Variants in SNW1 observed in about 807,000 individuals in gnomAD.
SNW1 encodes SNW domain-containing protein 1.
SNW1 carries 9 observed loss-of-function variants against 75.6 expected under a neutral mutation model. The observed-to-expected ratio is 0.12, with a 90% CI of 0.07 to 0.21. The LOEUF (loss-of-function observed/expected upper bound fraction) is 0.21, where lower values mean the gene tolerates loss of function less well. SNW1 is among the 10% of genes least tolerant of loss of function. The pLI, the probability that SNW1 is intolerant of heterozygous loss-of-function variation, is 1.00. For missense variants in SNW1, 409 were observed against 670.9 expected (o/e 0.61, Z 4.31); for synonymous variants, 200 against 219.1 (o/e 0.91, Z 0.77).
chr14:77,740,151 AAAAAAAAGAG>A (rs1428970700), intron 3 of SNW1, among the ~76,000 whole-genome samples: 13 of 90,518 alleles, frequency 1.4e-4, no homozygotes, highest in Admixed American at 1.1e-3. Flanking sequence ...AAAAAAAAAA[AAAAAAAAGAG>A]AGAGATACAG....
At chr14:77,745,055 A>G (rs1010516551) in intron 3 of SNW1, among the ~76,000 whole-genome samples, 3 of 152,232 alleles carry the variant, frequency 2.0e-5, no homozygotes, top group African/African-American at 7.2e-5. Context: ...TCAGGCAGTA[A>G]GTAAGGCACC....
chr14:77,723,537 A>T (rs2080560865), intron 10 of SNW1, among the ~76,000 whole-genome samples: 1 of 151,202 alleles, frequency 6.6e-6, no homozygotes, highest in Middle Eastern at 3.5e-3. Flanking sequence ...TTTTGTAAAG[A>T]TGGGGTCCCA....
chr14:77,735,585 T>C (rs967999103), intron 7 of SNW1, among the ~76,000 whole-genome samples: 2 of 152,012 alleles, frequency 1.3e-5, no homozygotes, highest in African/African-American at 4.8e-5. Context: ...GCCCGGCCGA[T>C]GTGACTTCTT....
At chr14:77,733,480 C>A (rs1053652036) in intron 8 of SNW1, among the ~76,000 whole-genome samples, 4 of 146,982 alleles carry the variant, frequency 2.7e-5, no homozygotes, top group African/African-American at 9.8e-5. Context: ...TGCAGTAGCT[C>A]AAGCCTGTAA....
Position 77,717,914 on chromosome 14 carries a change from A to G in SNW1, c.*174T>C. 1.7e-6 allele frequency: 1 copy of G among 601,822 alleles called. No individual in the cohort carries two copies. Among genetic ancestry groups the G allele is most frequent in the Non-Finnish European group, 2.8e-6 (1 of 356,120 alleles). 37.3% of individuals were successfully genotyped at this position (601,822 alleles called of 1,614,324 possible). A position where few individuals can be genotyped will look rare whatever the true frequency, so the allele number is the denominator to read the frequency against. On this transcript the variant is annotated 3_prime_UTR_variant, in exon 14 of 14. Transcript: ENST00000261531. ...ACAACCCACTCTTTAAAAAAAACTA[A>G]ATAATTCAAAGTAGAATTTTCTATC...
intron 12 of SNW1, 123 bp downstream of exon 12, chr14:77,720,588 A>G (rs1244654090): frequency 1.3e-6 from 1 of 793,220 alleles, no homozygotes; most frequent in Admixed American, 1.7e-5. Flanking sequence ...TTCAACATAC[A>G]ACTTCCAATT....
chr14:77,727,595 A>C (rs1296206176), intron 10 of SNW1, among the ~76,000 whole-genome samples: 2 of 152,124 alleles, frequency 1.3e-5, no homozygotes, highest in East Asian at 3.8e-4. Flanking sequence ...TTTTATCATG[A>C]AGGGATGTTG....
intron 10 of SNW1, chr14:77,730,746 G>A (rs2080621388): frequency 2.5e-6 from 1 of 395,012 alleles, no homozygotes; most frequent in Non-Finnish European, 4.5e-6. Flanking sequence ...ATTTTGAAAA[G>A]TACACTGCTC....
chr14:77,720,518 T>C (rs540420518), intron 12 of SNW1, 193 bp downstream of exon 12: 9 of 725,036 alleles, frequency 1.2e-5, no homozygotes, highest in African/African-American at 1.2e-4. Context: ...TCTCCTAGTG[T>C]CTCAAATCTC....
intron 3 of SNW1, among the ~76,000 whole-genome samples, chr14:77,740,567 A>T (rs748258033): frequency 1.6e-4 from 24 of 152,134 alleles, no homozygotes; most frequent in Admixed American, 1.0e-3. Flanking sequence ...TGAACATAAC[A>T]TACTTTTCCC....
chr14:77,757,462 A>C (rs1414072319), intron 1 of SNW1, among the ~76,000 whole-genome samples: 2 of 152,168 alleles, frequency 1.3e-5, no homozygotes, highest in Non-Finnish European at 1.5e-5. Context: ...CTACTTCATA[A>C]GGTTCTTATA....
Position 77,751,332 on chromosome 14 carries a change from T to C in SNW1, c.317A>G (p.Gln106Arg), listed in dbSNP as rs777513504. The C allele has an allele frequency of 3.1e-6, 5 of 1,611,752 alleles. No homozygotes were observed. The highest frequency in any genetic ancestry group is 3.4e-6 in the Non-Finnish European group (4 of 1,179,394). Residue 106 changes from glutamine (Q) to arginine (R), a missense_variant, in exon 3 of 14, where the codon CAG becomes CGG. Physicochemically the swap from Gln to Arg is conservative, Grantham distance 43. Transcript: ENST00000261531. The stretch of plus-strand genomic sequence containing the variant: ...TGAGAGGATTACCTTGTCTTTTGAC[T>C]GTCCTTGTCGAGCAATTGCATCATA... Reference protein sequence around the residue: ...IKYDAIARQGQSKDKVIYSKY... With the variant: ...IKYDAIARQGRSKDKVIYSKY...
intron 3 of SNW1, among the ~76,000 whole-genome samples, chr14:77,740,949 T>C (rs2080713516): frequency 6.6e-6 from 1 of 151,618 alleles, no homozygotes; most frequent in African/African-American, 2.4e-5. Context: ...ACAGAAAAAT[T>C]AACCAGGCAT....
intron 3 of SNW1, among the ~76,000 whole-genome samples, chr14:77,744,440 C>T (rs1479277864): frequency 4.2e-4 from 41 of 97,154 alleles, no homozygotes; most frequent in Admixed American, 1.3e-3. Context: ...GAGCAAGTCT[C>T]CATCTCAAAA....
chr14:77,722,980 G>C, intron 11 of SNW1: 1 of 529,190 alleles, frequency 1.9e-6, no homozygotes, highest in Non-Finnish European at 3.4e-6. Context: ...AAGTAGCTGG[G>C]ACTACAGGCG....
chr14:77,755,233 A>AAGT, intron 1 of SNW1, 113 bp from the exon 2 acceptor site: 3 of 908,182 alleles, frequency 3.3e-6, no homozygotes, highest in Non-Finnish European at 5.0e-6. Flanking sequence ...CTTTTCAGAA[A>AAGT]AAGAGCAGAT....
At chr14:77,754,053 AT>A (rs561894861) in intron 2 of SNW1, among the ~76,000 whole-genome samples, 2 of 151,132 alleles carry the variant, frequency 1.3e-5, no homozygotes, top group African/African-American at 4.9e-5. Context: ...TTTATTTTTT[AT>A]TTTTTTTGAG....
intron 1 of SNW1, among the ~76,000 whole-genome samples, chr14:77,758,315 C>CAAAAAAAAAAAAAA (rs55707854): frequency 0.013 from 1,116 of 85,774 alleles, 67 homozygotes; most frequent in Non-Finnish European, 0.019. Flanking sequence ...GACTCTGCCA[C>CAAAAAAAAAAAAAA]AAAAAAAAAA....
rs76489127 is a variant in SNW1, at chr14:77,745,404, T to A, written c.330+5915A>T. ...CCTCATGGCAAATATTTATAGGGAATGCTTGAATGTTTTTTCTTCTTGGCT... is the reference window on the plus strand; with the variant it reads ...CCTCATGGCAAATATTTATAGGGAAAGCTTGAATGTTTTTTCTTCTTGGCT... On this transcript the variant is annotated intron_variant, in intron 3 of 13. Coordinates refer to ENST00000261531, the MANE Select transcript of SNW1 (RefSeq NM_012245.3). Among the ~76,000 whole-genome samples the A allele has an allele frequency of 8.2e-3, 1,247 of 151,530 alleles. 13 individuals carry two copies. The highest frequency in any genetic ancestry group is 0.029 in the African/African-American group (1,192 of 41,506).
Sources: allele counts gnomAD v4.1 joint callset (sites outside exome capture counted in the v4.1 genomes callset), GRCh38; gene constraint gnomAD v4.1.1; transcripts MANE v1.5; gene names NCBI Gene and HGNC (gene_info 2026-07-23, HGNC 2026-07-21).